The following SCN10A variants were observed in gnomAD, a reference collection of about 807,000 sequenced individuals.
The protein encoded by SCN10A is sodium voltage-gated channel alpha subunit 10.
In SCN10A, 162 loss-of-function variants were observed where a neutral mutation model predicts 170.7. That is an observed-to-expected ratio of 0.95 (90% CI 0.84 to 1.08). The LOEUF (loss-of-function observed/expected upper bound fraction) is 1.08. SCN10A is among the 50% of genes least tolerant of loss of function. The probability of loss-of-function intolerance (pLI) is 0.00; values close to 1 mark genes in which losing one functional copy is unlikely to be tolerated. For synonymous variants in SCN10A, 985 were observed against 904.6 expected (o/e 1.09, Z -1.59); for missense variants, 2,527 against 2,436.9 (o/e 1.04, Z -0.78).
intron 4 of SCN10A, among the ~76,000 whole-genome samples, chr3:38,780,119 G>GT (rs1396871532): frequency 1.3e-5 from 2 of 151,824 alleles, no homozygotes; most frequent in Admixed American, 1.3e-4. Flanking sequence ...TTCCTACAAT[G>GT]TTTTTATTTA....
chr3:38,809,331 T>C (rs1055686302), intron 1 of SCN10A, among the ~76,000 whole-genome samples: 27 of 152,214 alleles, frequency 1.8e-4, no homozygotes, highest in Non-Finnish European at 1.5e-4. Context: ...AACAGATCTG[T>C]GTGTTCTTGA....
chr3:38,757,979 A>T (rs1483535604), intron 8 of SCN10A, among the ~76,000 whole-genome samples: 1 of 152,224 alleles, frequency 6.6e-6, no homozygotes, highest in African/African-American at 2.4e-5. Flanking sequence ...GGCCTGATCA[A>T]TGAAACAGCA....
At chr3:38,784,848 C>A (rs111280947) in intron 4 of SCN10A, among the ~76,000 whole-genome samples, 1,824 of 151,776 alleles carry the variant, frequency 0.012, 41 homozygotes, top group African/African-American at 0.04. Flanking sequence ...ACAGACAAAC[C>A]GAGAGCCAAA....
At chr3:38,752,576 A>C in intron 11 of SCN10A, 64 bp from the exon 12 acceptor site, 1 of 1,363,544 alleles carries the variant, frequency 7.3e-7, no homozygotes. Context: ...CTAGAGCCCA[A>C]CACTTCCCTC....
At chr3:38,727,712 C>T (rs2063472307) in intron 16 of SCN10A, among the ~76,000 whole-genome samples, 1 of 152,088 alleles carries the variant, frequency 6.6e-6, no homozygotes, top group Admixed American at 6.5e-5. Context: ...AGGAAAGAAC[C>T]CAAGTTGGTT....
chr3:38,728,453 TAAAAA>T, intron 16 of SCN10A, 84 bp downstream of exon 16: 1 of 1,398,810 alleles, frequency 7.1e-7, no homozygotes, highest in Non-Finnish European at 9.6e-7. Flanking sequence ...AATCTGGGCA[TAAAAA>T]TGCAGATCAA....
At chr3:38,798,599 C>T (rs1262285020) in intron 1 of SCN10A, among the ~76,000 whole-genome samples, 1 of 152,098 alleles carries the variant, frequency 6.6e-6, no homozygotes, top group South Asian at 2.1e-4. Flanking sequence ...GAGGAGGAGA[C>T]AATCCAAGAA....
chr3:38,812,941 G>A (rs1329905833), intron 1 of SCN10A, among the ~76,000 whole-genome samples: 1 of 152,128 alleles, frequency 6.6e-6, no homozygotes, highest in Non-Finnish European at 1.5e-5. Context: ...GCTGAGGTAG[G>A]AGGATCACCT....
At chr3:38,743,021 A>G (rs1433434316) in intron 13 of SCN10A, among the ~76,000 whole-genome samples, 1 of 152,158 alleles carries the variant, frequency 6.6e-6, no homozygotes, top group East Asian at 1.9e-4. Flanking sequence ...TGTGAGCCCC[A>G]GCCTTGCCCT....
At chr3:38,727,858 C>T (rs756152385) in intron 16 of SCN10A, among the ~76,000 whole-genome samples, 73 of 152,058 alleles carry the variant, frequency 4.8e-4, no homozygotes, top group African/African-American at 1.0e-3. Flanking sequence ...CAGGCTGGGG[C>T]GGAGAAGGGG....
intron 20 of SCN10A, among the ~76,000 whole-genome samples, chr3:38,721,200 G>C (rs1255368508): frequency 6.6e-6 from 1 of 152,210 alleles, no homozygotes; most frequent in Non-Finnish European, 1.5e-5. Flanking sequence ...CATTTAGATG[G>C]AGGCCTAGAT....
At chr3:38,761,112 A>G in intron 7 of SCN10A, 80 bp downstream of exon 7, 1 of 1,154,066 alleles carries the variant, frequency 8.7e-7, no homozygotes, top group Non-Finnish European at 1.2e-6. Flanking sequence ...ACACACACAC[A>G]GGGGCTCCAT....
Position 38,712,174 on chromosome 3 carries a change from G to A in SCN10A, c.4076C>T (p.Ala1359Val). ...NFDNVAMGYLALLQVATFKGW... is the reference protein window; with the variant it reads ...NFDNVAMGYLVLLQVATFKGW... ...TGGTTGACTCACCACCTGCAGAAGT[G>A]CAAGGTAACCCATTGCAACATTATC... The change falls in exon 23 of 28, where the codon GCA (alanine) becomes GTA (valine). Residue 1359 changes from alanine to valine, a missense_variant. By Grantham distance (64) the Ala-to-Val change is moderately conservative (BLOSUM62 0). Transcript: ENST00000449082. The A allele has an allele frequency of 6.2e-7, 1 of 1,614,014 alleles. No homozygotes were observed. Among genetic ancestry groups the A allele is most frequent in the Non-Finnish European group, 8.5e-7 (1 of 1,179,862 alleles).
At chr3:38,736,969 T>TTTTTTC in intron 15 of SCN10A, among the ~76,000 whole-genome samples, 1 of 91,884 alleles carries the variant, frequency 1.1e-5, no homozygotes, top group Non-Finnish European at 2.2e-5. Context: ...GTTCGTTTTT[T>TTTTTTC]TTTTTTTTTT....
chr3:38,698,503 T>A lies in SCN10A; in HGVS notation c.4717A>T (p.Arg1573Ter). ...CCAATTCGGGCCAGGCGGATGACTC[T>A]GAAGAGCGTTGGGGAGAAGTAACTT... is the stretch of plus-strand genomic sequence containing the variant. ...LQSYFSPTLFRVIRLARIGRI... is the reference protein window; with the variant it reads ...LQSYFSPTLF Residue 1573 changes from arginine to a stop codon, truncating the protein, a stop_gained, in exon 28 of 28, where the codon AGA becomes TGA. Coordinates refer to ENST00000449082, the MANE Select transcript of SCN10A (RefSeq NM_006514.4). LOFTEE classifies it high-confidence loss of function. 1 of 1,614,172 alleles carries A rather than the reference T, an allele frequency of 6.2e-7. No homozygotes were observed. Among genetic ancestry groups the A allele is most frequent in the Non-Finnish European group, 8.5e-7 (1 of 1,180,010 alleles).
chr3:38,748,789 C>T (rs2063718517), intron 13 of SCN10A, among the ~76,000 whole-genome samples: 1 of 152,188 alleles, frequency 6.6e-6, no homozygotes, highest in Non-Finnish European at 1.5e-5. Flanking sequence ...GCTAAGGTTG[C>T]CTTTCCCCAG....
chr3:38,735,875 C>G (rs764239305), intron 15 of SCN10A, among the ~76,000 whole-genome samples: 1 of 152,160 alleles, frequency 6.6e-6, no homozygotes, highest in Non-Finnish European at 1.5e-5. Context: ...TTATTGAGTT[C>G]CTATGTATGT....
Position 38,742,215 on chromosome 3 carries a change from C to T in SCN10A, c.2106+76G>A, listed in dbSNP as rs2063639270. The T allele has an allele frequency of 6.9e-6, 7 of 1,013,606 alleles. No homozygotes were observed. In the South Asian group the frequency reaches 6.9e-5, roughly 10 times the overall value. 62.8% of individuals were successfully genotyped at this position (1,013,606 alleles called of 1,614,324 possible). On this transcript the variant is annotated intron_variant, in intron 14 of 27. Coordinates refer to ENST00000449082, the MANE Select transcript of SCN10A (RefSeq NM_006514.4). ...ACCAATAAGGGCATGCCCCACCCCA[C>T]CCGAACTGCACCCTGCCATCATCCC...
chr3:38,706,864 T>A (rs771620501), intron 26 of SCN10A, among the ~76,000 whole-genome samples: 1 of 152,164 alleles, frequency 6.6e-6, no homozygotes, highest in Non-Finnish European at 1.5e-5. Flanking sequence ...TTCCTCTCTA[T>A]ACCTGTAGGC....
Sources: allele counts gnomAD v4.1 joint callset (sites outside exome capture counted in the v4.1 genomes callset), GRCh38; gene constraint gnomAD v4.1.1; transcripts MANE v1.5; gene names NCBI Gene and HGNC (gene_info 2026-07-23, HGNC 2026-07-21).